The following PVT1 variants were observed in gnomAD, a reference collection of about 807,000 sequenced individuals.
PVT1 encodes the protein CXCR4/PVT1 fusion.
intron 3 of PVT1, chr8:127,989,071 C>G (rs1006049650): frequency 6.6e-6 from 1 of 152,154 alleles, no homozygotes; most frequent in Non-Finnish European, 1.5e-5. Flanking sequence ...AATGTGCAGT[C>G]CTTATCTTTT....
chr8:127,922,102 G>A (rs1816068182), intron 3 of PVT1, among the ~76,000 whole-genome samples: 1 of 151,860 alleles, frequency 6.6e-6, no homozygotes, highest in African/African-American at 2.4e-5. Context: ...CTCGTGATCT[G>A]CCCGCCTTGG....
chr8:127,817,402 A>T (rs1365989819), intron 2 of PVT1, among the ~76,000 whole-genome samples: 1 of 124,406 alleles, frequency 8.0e-6, no homozygotes, highest in East Asian at 2.1e-4. Context: ...ATATATATTA[A>T]ATAATATATA....
chr8:127,984,837 T>TTTTCTTTTCTTTC (rs1196758951), intron 3 of PVT1, among the ~76,000 whole-genome samples: 13 of 81,334 alleles, frequency 1.6e-4, no homozygotes, highest in African/African-American at 2.6e-4. Flanking sequence ...CTTTCTTTTC[T>TTTTCTTTTCTTTC]TTTCTTTCTT....
At chr8:128,027,588 C>T (rs927655878) in intron 4 of PVT1, among the ~76,000 whole-genome samples, 4 of 152,182 alleles carry the variant, frequency 2.6e-5, no homozygotes, top group Admixed American at 6.5e-5. Flanking sequence ...GCCCAGGCAT[C>T]GTGTCTATGC....
chr8:127,988,373 G>C (rs960468836), intron 3 of PVT1, among the ~76,000 whole-genome samples: 3 of 152,196 alleles, frequency 2.0e-5, no homozygotes, highest in Non-Finnish European at 4.4e-5. Context: ...GTATGAATGG[G>C]GTTTTCTGTG....
At chr8:127,797,066 C>T (rs368320585) in intron 2 of PVT1, among the ~76,000 whole-genome samples, 10 of 152,124 alleles carry the variant, frequency 6.6e-5, no homozygotes, top group African/African-American at 9.6e-5. Flanking sequence ...TTAGTAGAGA[C>T]GGAGTTTCTC....
intron 4 of PVT1, among the ~76,000 whole-genome samples, chr8:128,064,591 C>T (rs554682408): frequency 1.3e-5 from 2 of 152,320 alleles, no homozygotes; most frequent in South Asian, 4.1e-4. Flanking sequence ...GGGTGGGGCC[C>T]TGCCTGCAAA....
chr8:127,864,725 T>C (rs141236969), intron 2 of PVT1, among the ~76,000 whole-genome samples: 216 of 152,184 alleles, frequency 1.4e-3, no homozygotes, highest in African/African-American at 5.1e-3. Context: ...TTTTTTTGTA[T>C]TTTTAGTACA....
intron 3 of PVT1, among the ~76,000 whole-genome samples, chr8:127,972,214 C>T (rs1042517386): frequency 2.0e-5 from 3 of 152,348 alleles, no homozygotes; most frequent in African/African-American, 7.2e-5. Context: ...ACTGTCAGTG[C>T]GCCACCCATA....
intron 2 of PVT1, among the ~76,000 whole-genome samples, chr8:127,809,280 C>A (rs1435189105): frequency 6.6e-6 from 1 of 152,018 alleles, no homozygotes; most frequent in African/African-American, 2.4e-5. Flanking sequence ...CAGCCTGGAC[C>A]CCCTGTGCTC....
intron 4 of PVT1, among the ~76,000 whole-genome samples, chr8:128,060,092 TA>T (rs1554608258): frequency 6.6e-6 from 1 of 152,066 alleles, no homozygotes; most frequent in Non-Finnish European, 1.5e-5. Flanking sequence ...CCGTCTCTAC[TA>T]AAAATACAAA....
intron 3 of PVT1, among the ~76,000 whole-genome samples, chr8:127,926,321 G>A (rs1816129142): frequency 6.6e-6 from 1 of 152,202 alleles, no homozygotes; most frequent in Non-Finnish European, 1.5e-5. Context: ...AGTGGTTGTT[G>A]TTGAAGGGCT....
chr8:128,005,448 G>T lies in PVT1; in HGVS notation n.912+16157G>T, dbSNP rs138681667. 4.7e-4 allele frequency among the ~76,000 whole-genome samples: 71 copies of T among 152,248 alleles called. No homozygotes were observed. The East Asian group carries it at 0.013, about 28-fold the overall frequency. The stretch of plus-strand genomic sequence containing the variant: ...GCTTGGTGCAAGTTTAAGCTCTTAG[G>T]TCATTTCTAAATAGCAAACCTCTCA... On this transcript the variant is annotated intron_variant and non_coding_transcript_variant, in intron 4 of 10. Transcript: ENST00000651587.
intron 3 of PVT1, among the ~76,000 whole-genome samples, chr8:127,974,178 G>T (rs1281344725): frequency 6.6e-6 from 1 of 152,090 alleles, no homozygotes; most frequent in African/African-American, 2.4e-5. Context: ...AGATACTGCC[G>T]GATGTGCCAT....
intron 3 of PVT1, among the ~76,000 whole-genome samples, chr8:127,922,260 T>C (rs1205686271): frequency 8.0e-6 from 1 of 124,500 alleles, no homozygotes; most frequent in Non-Finnish European, 1.6e-5. Flanking sequence ...TCTTTATTTC[T>C]TTTTCCAAGA....
intron 2 of PVT1, among the ~76,000 whole-genome samples, chr8:127,828,636 G>C (rs187143190): frequency 6.6e-6 from 1 of 152,158 alleles, no homozygotes; most frequent in Non-Finnish European, 1.5e-5. Context: ...CTATAAACGT[G>C]GGGAGAGGGA....
At chr8:128,056,769 T>C (rs1213895686) in intron 4 of PVT1, among the ~76,000 whole-genome samples, 1 of 152,318 alleles carries the variant, frequency 6.6e-6, no homozygotes, top group East Asian at 1.9e-4. Flanking sequence ...ACCTAGAATC[T>C]GGTTATTTCA....
intron 4 of PVT1, among the ~76,000 whole-genome samples, chr8:128,050,238 C>T (rs543253332): frequency 6.6e-6 from 1 of 152,296 alleles, no homozygotes; most frequent in Admixed American, 6.5e-5. Flanking sequence ...CATCCCTTCC[C>T]CAACCTCTCC....
intron 4 of PVT1, among the ~76,000 whole-genome samples, chr8:128,000,210 G>T (rs1817159448): frequency 6.6e-6 from 1 of 152,154 alleles, no homozygotes; most frequent in Non-Finnish European, 1.5e-5. Flanking sequence ...GCTTTCCTGG[G>T]ACCCGAGGCA....
Sources: allele counts gnomAD v4.1 joint callset (sites outside exome capture counted in the v4.1 genomes callset), GRCh38; gene constraint gnomAD v4.1.1; transcripts MANE v1.5; gene names NCBI Gene and HGNC (gene_info 2026-07-23, HGNC 2026-07-21).